The following GFRA2 variants were observed in gnomAD, a reference collection of about 807,000 sequenced individuals.
The protein encoded by GFRA2 is GDNF family receptor alpha-2.
A neutral mutation model predicts 48.3 loss-of-function variants in GFRA2; 17 were observed. The ratio of observed to expected loss-of-function variants is 0.35; its 90% confidence interval spans 0.24 to 0.53. GFRA2 has a LOEUF of 0.53. GFRA2 is among the 20% of genes least tolerant of loss of function. The pLI is 0.93. For missense variants in GFRA2, 660 were observed against 637.3 expected (o/e 1.04, Z -0.38); for synonymous variants, 305 against 257.2 (o/e 1.19, Z -1.78).
chr8:21,754,797 C>A (rs181622952), intron 3 of GFRA2, among the ~76,000 whole-genome samples: 2 of 152,312 alleles, frequency 1.3e-5, no homozygotes, highest in East Asian at 3.9e-4. Flanking sequence ...GCATGAGTCA[C>A]TGTGCCTGGC....
Position 21,775,041 on chromosome 8 carries a change from C to G in GFRA2, c.370G>C (p.Glu124Gln). The G allele has an allele frequency of 1.3e-6, 2 of 1,581,848 alleles. No individual in the cohort carries two copies. The highest frequency in any genetic ancestry group is 1.7e-5 in the Admixed American group (1 of 59,922). The stretch of plus-strand genomic sequence containing the variant: ...GTCACCGGCTCATAGGGGGAGGCTT[C>G]GTAGAACTCCTCACCTGGAAGACAG... ...LGLTEGEEFY[E>Q]ASPYEPVTSR... The change falls in exon 3 of 9, where the codon GAA becomes CAA. Residue 124 changes from glutamate to glutamine, a missense_variant. By Grantham distance (29) the Glu-to-Gln change is conservative. Coordinates refer to ENST00000524240, the MANE Select transcript of GFRA2 (RefSeq NM_001495.5).
chr8:21,709,222 C>T (rs570382649), intron 4 of GFRA2, among the ~76,000 whole-genome samples: 1 of 152,350 alleles, frequency 6.6e-6, no homozygotes, highest in African/African-American at 2.4e-5. Context: ...AGGCCCAGCT[C>T]TCTCCTGACC....
intron 3 of GFRA2, among the ~76,000 whole-genome samples, chr8:21,766,928 C>T (rs368850839): frequency 1.1e-4 from 14 of 129,274 alleles, no homozygotes; most frequent in African/African-American, 4.0e-4. Context: ...CCTACACACA[C>T]AAACACCTAC....
chr8:21,774,834 C>T lies in GFRA2; in HGVS notation c.439+138G>A, dbSNP rs1475915716. 1.9e-5 allele frequency: 12 copies of T among 623,104 alleles called. No individual in the cohort carries two copies. The African/African-American group carries it at 2.2e-4, about 11-fold the overall frequency. The allele number at this position is 623,104 out of a possible 1,614,324, so 38.6% of individuals were successfully genotyped here. A position where few individuals can be genotyped will look rare whatever the true frequency, so the allele number is the denominator to read the frequency against. Reference sequence around the variant, plus strand: ...TCTTTACAGAGGAGGAACTGAGGCTCAGAACCGTTGAGGGACGAGCTGATG... The same window carrying T: ...TCTTTACAGAGGAGGAACTGAGGCTTAGAACCGTTGAGGGACGAGCTGATG... On this transcript the variant is annotated intron_variant, in intron 3 of 8. Transcript: ENST00000524240.
At chr8:21,733,527 G>C (rs1804300345) in intron 4 of GFRA2, among the ~76,000 whole-genome samples, 1 of 152,270 alleles carries the variant, frequency 6.6e-6, no homozygotes, top group South Asian at 2.1e-4. Flanking sequence ...GGAGAGAGAG[G>C]GCGAAGGGAG....
chr8:21,702,459 G>T (rs1802528200), intron 7 of GFRA2, among the ~76,000 whole-genome samples: 3 of 152,142 alleles, frequency 2.0e-5, no homozygotes, highest in African/African-American at 7.2e-5. Flanking sequence ...GTGCACTGTT[G>T]ACCCTAGGAG....
chr8:21,750,633 T>C lies in GFRA2; in HGVS notation c.749A>G (p.Asn250Ser). Reference protein sequence around the residue: ...SCSYEDKEKPNCLDLRGVCRT... With the variant: ...SCSYEDKEKPSCLDLRGVCRT... ...GCACACGCCACGCAGGTCCAGGCAG[T>C]TGGGCTTCTCCTTGTCCTCATAGGA... Residue 250 changes from asparagine to serine, a missense_variant, in exon 4 of 9, where the codon AAC (asparagine) becomes AGC (serine). By Grantham distance (46) the Asn-to-Ser change is conservative. Transcript: ENST00000524240. This position sits in a 1 kb window ranked among gnomAD's most constrained non-coding sequence, Gnocchi z 5.7. 1.2e-6 allele frequency: 2 copies of C among 1,613,126 alleles called. No homozygotes were observed. Among genetic ancestry groups the C allele is most frequent in the South Asian group, 2.2e-5 (2 of 91,040 alleles).
intron 4 of GFRA2, among the ~76,000 whole-genome samples, chr8:21,718,637 C>T (rs28571632): frequency 0.094 from 14,241 of 152,204 alleles, 1,231 homozygotes; most frequent in African/African-American, 0.23. Context: ...GCCAAAGGGC[C>T]ATGTTCTCTC....
At position 21,782,803 on chromosome 8, in the gene GFRA2, A is replaced by G. The variant is rs1807076702; in HGVS notation, c.137T>C (p.Leu46Pro). The G allele has an allele frequency of 2.5e-6, 4 of 1,581,178 alleles. No homozygotes were observed. Among genetic ancestry groups the G allele is most frequent in the Admixed American group, 1.8e-5 (1 of 56,514 alleles). ...PPVDCVRANE[L>P]CAAESNCSSR... ...GCTGCAGTTGGATTCGGCGGCACAC[A>G]GCTCATTGGCCCGGACACAGTCCAC... Residue 46 changes from leucine (L) to proline (P), a missense_variant, in exon 2 of 9, where the codon CTG becomes CCG. By Grantham distance (98) the Leu-to-Pro change is moderately conservative. Coordinates refer to ENST00000524240, the MANE Select transcript of GFRA2 (RefSeq NM_001495.5).
chr8:21,708,821 C>T (rs777566063), intron 4 of GFRA2, among the ~76,000 whole-genome samples: 11 of 152,206 alleles, frequency 7.2e-5, no homozygotes, highest in Non-Finnish European at 1.5e-4. Flanking sequence ...CAGAAAAAAG[C>T]ATGGCCCTGC....
Position 21,804,386 on chromosome 8 carries a change from C to G in GFRA2, c.-36+631G>C, listed in dbSNP as rs1047176678. On this transcript the variant is annotated intron_variant, in intron 2 of 10. Coordinates refer to the GFRA2 transcript ENST00000517328. The stretch of plus-strand genomic sequence containing the variant: ...AAATATCTATTATCTATTTAATTAT[C>G]TTATAGAAAAGAGTTTTGTCAACTA... 9.3e-5 allele frequency among the ~76,000 whole-genome samples: 14 copies of G among 150,526 alleles called. 1 individual carries two copies. The highest frequency in any genetic ancestry group is 3.4e-3 in the Middle Eastern group (1 of 290).
chr8:21,784,538 G>A (rs1033384374), intron 1 of GFRA2, among the ~76,000 whole-genome samples: 10 of 152,184 alleles, frequency 6.6e-5, no homozygotes, highest in African/African-American at 9.7e-5. Context: ...TAAAGGCAGC[G>A]CGCTGCACAG....
intron 8 of GFRA2, among the ~76,000 whole-genome samples, chr8:21,694,077 T>TTATATATATATATATATATA (rs1161900689): frequency 9.1e-6 from 1 of 109,294 alleles, no homozygotes; most frequent in Non-Finnish European, 2.0e-5. Context: ...TTATTTATTT[T>TTATATATATATATATATATA]TATATATATA....
intron 4 of GFRA2, among the ~76,000 whole-genome samples, chr8:21,711,997 G>A (rs912599738): frequency 6.6e-6 from 1 of 152,132 alleles, no homozygotes; most frequent in Admixed American, 6.5e-5. Flanking sequence ...CAGGGTTGGG[G>A]GTAAGGTCAC....
At chr8:21,764,163 A>G (rs749090101) in intron 3 of GFRA2, among the ~76,000 whole-genome samples, 3 of 152,144 alleles carry the variant, frequency 2.0e-5, no homozygotes, top group Non-Finnish European at 2.9e-5. Context: ...GCGTATAAAT[A>G]AATCACAGAA....
chr8:21,780,396 C>G (rs930118706), intron 2 of GFRA2, among the ~76,000 whole-genome samples: 80 of 152,116 alleles, frequency 5.3e-4, no homozygotes, highest in African/African-American at 1.9e-3. Flanking sequence ...ACCTTGTTTT[C>G]CTGCTGTTCC....
chr8:21,731,917 T>C (rs1804215833), intron 4 of GFRA2, among the ~76,000 whole-genome samples: 1 of 152,228 alleles, frequency 6.6e-6, no homozygotes, highest in African/African-American at 2.4e-5. Flanking sequence ...GCGTACACCA[T>C]CTGTGCAAGT....
chr8:21,705,037 C>T lies in GFRA2; in HGVS notation c.993G>A (p.Met331Ile), dbSNP rs1802670186. The T allele has an allele frequency of 6.2e-7, 1 of 1,610,748 alleles. No individual in the cohort carries two copies. The highest frequency in any genetic ancestry group is 1.7e-5 in the Admixed American group (1 of 59,754). The change falls in exon 6 of 9, where the codon ATG becomes ATA. Residue 331 changes from methionine (M) to isoleucine (I), a missense_variant. Met to Ile is a conservative substitution (Grantham distance 10). Coordinates refer to ENST00000524240, the MANE Select transcript of GFRA2 (RefSeq NM_001495.5). Reference sequence around the variant, plus strand: ...TGAGGAACTTCTCACACTCCTCCTCCATGTTCCCGCTGCCACGACAGCTGC... The same window carrying T: ...TGAGGAACTTCTCACACTCCTCCTCTATGTTCCCGCTGCCACGACAGCTGC... ...PWCSCRGSGNMEEECEKFLRD... is the reference protein window; with the variant it reads ...PWCSCRGSGNIEEECEKFLRD...
At chr8:21,736,493 C>T (rs1207233172) in intron 4 of GFRA2, among the ~76,000 whole-genome samples, 3 of 151,656 alleles carry the variant, frequency 2.0e-5, no homozygotes, top group Non-Finnish European at 2.9e-5. Flanking sequence ...CTGTCTTGTC[C>T]GATTTTTTTT....
Sources: allele counts gnomAD v4.1 joint callset (sites outside exome capture counted in the v4.1 genomes callset), GRCh38; gene constraint gnomAD v4.1.1; non-coding constraint Gnocchi (gnomAD v3.1); transcripts MANE v1.5; gene names NCBI Gene and HGNC (gene_info 2026-07-23, HGNC 2026-07-21).